Variants in NPAS3 observed in about 807,000 individuals in gnomAD.
NPAS3 encodes the protein neuronal PAS domain protein 3.
A neutral mutation model predicts 73.1 loss-of-function variants in NPAS3; 14 were observed. That is an observed-to-expected ratio of 0.19 (90% confidence interval 0.13 to 0.30). The LOEUF (loss-of-function observed/expected upper bound fraction) is 0.30. Among genes scored for constraint, NPAS3 ranks in the 10% least tolerant of loss-of-function variants. The pLI is 1.00. For missense variants in NPAS3, 1,096 were observed against 1,250.0 expected, an observed-to-expected ratio of 0.88 and a Z score of 1.86; for synonymous variants, 620 against 541.5, an observed-to-expected ratio of 1.14 and a Z score of -2.01.
At chr14:33,150,433 C>A (rs375898780) in intron 2 of NPAS3, among the ~76,000 whole-genome samples, 80 of 152,264 alleles carry the variant, frequency 5.3e-4, no homozygotes, top group African/African-American at 1.6e-3. Flanking sequence ...CGCTGCATTT[C>A]TTTTTGTTTT....
At chr14:32,989,370 C>T (rs866675762) in intron 1 of NPAS3, among the ~76,000 whole-genome samples, 26 of 152,244 alleles carry the variant, frequency 1.7e-4, no homozygotes, top group South Asian at 1.5e-3. Flanking sequence ...TGTGGCCGGG[C>T]ACGGTGGCTC....
chr14:33,498,931 AGAGAGTGTGTGT>A (rs1465381408), intron 4 of NPAS3, among the ~76,000 whole-genome samples: 1,630 of 119,314 alleles, frequency 0.014, 24 homozygotes, highest in African/African-American at 0.029. Context: ...AGAGACAGAG[AGAGAGTGTGTGT>A]GTGTGTGTGT....
At position 33,191,304 on chromosome 14, in the gene NPAS3, A is replaced by G. The variant is rs112677999; in HGVS notation, c.141-23878A>G. Among the ~76,000 whole-genome samples, 464 of 152,332 alleles carry G rather than the reference A, an allele frequency of 3.0e-3. 2 individuals carry two copies. The highest frequency in any genetic ancestry group is 0.011 in the African/African-American group (450 of 41,582). ...AAGAAACTGCTGGGAAGAAATATTA[A>G]TTTAAGGCTATATATAGCATACTTT... On this transcript the variant is annotated intron_variant, in intron 2 of 11. Coordinates refer to ENST00000356141, the Ensembl canonical transcript of NPAS3.
At chr14:33,701,259 T>C (rs1283589910) in intron 6 of NPAS3, among the ~76,000 whole-genome samples, 1 of 152,234 alleles carries the variant, frequency 6.6e-6, no homozygotes, top group Non-Finnish European at 1.5e-5. Context: ...TTTATTTCCA[T>C]TTTACAAATG....
intron 1 of NPAS3, among the ~76,000 whole-genome samples, chr14:33,012,694 G>A (rs148237346): frequency 1.4e-4 from 21 of 151,862 alleles, no homozygotes; most frequent in African/African-American, 5.1e-4. Context: ...GATTACAGGC[G>A]CCCGCCACCA....
intron 7 of NPAS3, among the ~76,000 whole-genome samples, chr14:33,762,282 C>T (rs1447594160): frequency 1.3e-5 from 2 of 151,982 alleles, no homozygotes; most frequent in East Asian, 1.9e-4. Flanking sequence ...TTTGTTCCCA[C>T]ACTTGAGTTC....
chr14:33,093,505 T>A (rs7494498), intron 2 of NPAS3, among the ~76,000 whole-genome samples: 5 of 152,180 alleles, frequency 3.3e-5, no homozygotes, highest in Non-Finnish European at 5.9e-5. Context: ...ACGGGAACAC[T>A]TTTACATTGT....
At chr14:33,471,563 T>C (rs961868316) in intron 4 of NPAS3, among the ~76,000 whole-genome samples, 4 of 152,200 alleles carry the variant, frequency 2.6e-5, no homozygotes, top group Non-Finnish European at 5.9e-5. Context: ...ATGGACTAGA[T>C]AAGTTTCTAA....
chr14:33,574,851 G>T (rs978022117), intron 5 of NPAS3, among the ~76,000 whole-genome samples: 1 of 152,130 alleles, frequency 6.6e-6, no homozygotes, highest in Non-Finnish European at 1.5e-5. Flanking sequence ...GTGGGAGGGG[G>T]AAAGGAGAGA....
intron 5 of NPAS3, among the ~76,000 whole-genome samples, chr14:33,624,317 T>A (rs1469969367): frequency 6.6e-6 from 1 of 152,236 alleles, no homozygotes; most frequent in Non-Finnish European, 1.5e-5. Context: ...AAGATCACCA[T>A]ATCAAAGGAG....
At chr14:33,675,434 G>T (rs561086099) in intron 5 of NPAS3, among the ~76,000 whole-genome samples, 2 of 152,174 alleles carry the variant, frequency 1.3e-5, no homozygotes, top group South Asian at 4.1e-4. Flanking sequence ...TTCATTCTCT[G>T]CCTTTAGAGT....
chr14:33,062,645 G>A (rs759300878), intron 2 of NPAS3, among the ~76,000 whole-genome samples: 3 of 152,220 alleles, frequency 2.0e-5, no homozygotes, highest in Non-Finnish European at 4.4e-5. Flanking sequence ...CCTGCAGTGT[G>A]CATGTGACCT....
chr14:33,073,678 A>G (rs1429021838), intron 2 of NPAS3, among the ~76,000 whole-genome samples: 1 of 152,224 alleles, frequency 6.6e-6, no homozygotes, highest in Non-Finnish European at 1.5e-5. Flanking sequence ...TTCAGGATTG[A>G]CTAGAAAGGG....
chr14:33,780,154 G>T (rs989146908), intron 9 of NPAS3, among the ~76,000 whole-genome samples: 8 of 152,220 alleles, frequency 5.3e-5, no homozygotes, highest in Non-Finnish European at 1.0e-4. Context: ...GAGCCTGCCT[G>T]CAAGACAGCA....
chr14:33,069,422 A>G (rs1200220730), intron 2 of NPAS3, among the ~76,000 whole-genome samples: 1 of 152,176 alleles, frequency 6.6e-6, no homozygotes, highest in African/African-American at 2.4e-5. Context: ...TTAAAAAGGT[A>G]CTCGTTAAAG....
chr14:33,733,326 A>T (rs1297875362), intron 6 of NPAS3, among the ~76,000 whole-genome samples: 1 of 151,522 alleles, frequency 6.6e-6, no homozygotes, highest in Non-Finnish European at 1.5e-5. Context: ...AAAAAAAAAA[A>T]GGATATAGCA....
At chr14:33,257,341 G>T (rs920950800) in intron 3 of NPAS3, among the ~76,000 whole-genome samples, 14 of 152,180 alleles carry the variant, frequency 9.2e-5, no homozygotes, top group Middle Eastern at 6.8e-3. Flanking sequence ...TAACTCCAGG[G>T]TTCTCCAGGC....
rs1161756208 is a variant in NPAS3 at position 33,723,724 on chromosome 14, AAAAAG to A, written c.734-11475_734-11471del. The stretch of plus-strand genomic sequence containing the variant: ...TTCAATACTTCCTCTCAAAAAAAAA[AAAAAG>A]AAAAGAAAAGAAAAAAGAAAAGCAT... On this transcript the variant is annotated intron_variant, in intron 6 of 11. Transcript: ENST00000356141. 9.3e-5 allele frequency among the ~76,000 whole-genome samples: 14 copies of A among 150,604 alleles called. No individual in the cohort carries two copies. In the East Asian group the frequency reaches 3.3e-3, roughly 35 times the overall value.
chr14:33,659,091 T>C (rs1043205190), intron 5 of NPAS3, among the ~76,000 whole-genome samples: 10 of 152,222 alleles, frequency 6.6e-5, no homozygotes, highest in Non-Finnish European at 1.5e-4. Context: ...GAACATTTTC[T>C]ATGCACCAAG....
Sources: gnomAD v4.1 joint callset for allele counts (sites outside exome capture counted in the v4.1 genomes callset) on GRCh38, gnomAD v4.1.1 for gene constraint, MANE v1.5 for transcripts, NCBI Gene and HGNC (gene_info 2026-07-23, HGNC 2026-07-21) for gene names.